The following DNAH7 variants were observed in gnomAD, a reference collection of about 807,000 sequenced individuals.
The protein encoded by DNAH7 is axonemal beta dynein heavy chain 7.
Under a neutral mutation model 444.6 loss-of-function variants are expected in DNAH7, and 397 were observed. The observed-to-expected ratio is 0.89, with a 90% CI of 0.82 to 0.97. DNAH7 has a LOEUF of 0.97. Ranked by LOEUF, DNAH7 falls within the 50% of genes least tolerant of loss-of-function variation. The probability of loss-of-function intolerance (pLI) is 0.00; values close to 1 mark genes in which losing one functional copy is unlikely to be tolerated. For missense variants in DNAH7, 4,902 were observed against 4,800.8 expected (o/e 1.02, Z -0.62); for synonymous variants, 1,636 against 1,624.4 (o/e 1.01, Z -0.17).
chr2:195,826,298 T>C (rs1040246558), intron 48 of DNAH7, among the ~76,000 whole-genome samples: 1 of 152,240 alleles, frequency 6.6e-6, no homozygotes, highest in Non-Finnish European at 1.5e-5. Context: ...TTTAAACCTA[T>C]TTTTACAAAA....
chr2:196,053,425 G>A (rs551587854), intron 2 of DNAH7, among the ~76,000 whole-genome samples: 2 of 152,180 alleles, frequency 1.3e-5, no homozygotes, highest in Admixed American at 6.5e-5. Flanking sequence ...CGCTCTCAAT[G>A]GCATCTTAGT....
intron 63 of DNAH7, among the ~76,000 whole-genome samples, chr2:195,750,372 C>T (rs1372380240): frequency 6.6e-6 from 1 of 152,156 alleles, no homozygotes; most frequent in Admixed American, 6.5e-5. Context: ...AGTCTTTTAG[C>T]TGAGTTCAAA....
intron 24 of DNAH7, among the ~76,000 whole-genome samples, chr2:195,914,473 C>T (rs529371090): frequency 5.0e-4 from 76 of 152,278 alleles, no homozygotes; most frequent in African/African-American, 1.7e-3. Context: ...ATTGGGCCTG[C>T]CCCTGTGCCA....
chr2:195,894,683 A>T, intron 30 of DNAH7: 1 of 210,198 alleles, frequency 4.8e-6, no homozygotes, highest in Non-Finnish European at 9.4e-6. Flanking sequence ...AAAGTATTGC[A>T]GGAAAACCTT....
chr2:195,779,483 ATTATT>A (rs1290673512), intron 58 of DNAH7, among the ~76,000 whole-genome samples: 1 of 152,124 alleles, frequency 6.6e-6, no homozygotes, highest in Non-Finnish European at 1.5e-5. Flanking sequence ...GGTCAATAAT[ATTATT>A]TTAATTTGCA....
At chr2:196,051,112 T>C (rs1697437535) in intron 3 of DNAH7, 75 bp downstream of exon 3, 1 of 1,366,002 alleles carries the variant, frequency 7.3e-7, no homozygotes, top group Admixed American at 1.7e-5. Context: ...TTTGCTTACT[T>C]ATTTTCAAGT....
chr2:195,767,704 T>C (rs1445344040), intron 61 of DNAH7, among the ~76,000 whole-genome samples: 1 of 152,156 alleles, frequency 6.6e-6, no homozygotes, highest in East Asian at 1.9e-4. Flanking sequence ...TAATGTGTAA[T>C]TTCTTTTGTT....
At chr2:195,777,163 G>A (rs1695101124) in intron 59 of DNAH7, among the ~76,000 whole-genome samples, 1 of 152,102 alleles carries the variant, frequency 6.6e-6, no homozygotes, top group South Asian at 2.1e-4. Context: ...TGACTTCTGG[G>A]AATAACATGA....
At chr2:195,870,134 T>C (rs1007793096) in intron 40 of DNAH7, among the ~76,000 whole-genome samples, 12 of 152,216 alleles carry the variant, frequency 7.9e-5, no homozygotes, top group African/African-American at 2.2e-4. Context: ...TATGCACTCA[T>C]TCATTCACCA....
At chr2:195,834,159 C>T (rs904046392) in intron 48 of DNAH7, 47 bp downstream of exon 48, 7 of 1,545,852 alleles carry the variant, frequency 4.5e-6, no homozygotes, top group Non-Finnish European at 6.2e-6. Flanking sequence ...TTAATTGTGC[C>T]CTCTCCAGGC....
At chr2:195,815,522 A>G (rs1697178046) in intron 51 of DNAH7, among the ~76,000 whole-genome samples, 1 of 152,190 alleles carries the variant, frequency 6.6e-6, no homozygotes, top group African/African-American at 2.4e-5. Flanking sequence ...TGAGATTAAC[A>G]TTTTGGATTT....
intron 19 of DNAH7, among the ~76,000 whole-genome samples, chr2:195,942,442 G>A (rs988457513): frequency 6.6e-6 from 1 of 151,584 alleles, no homozygotes; most frequent in African/African-American, 2.4e-5. Context: ...AGATGAAGAG[G>A]AGGAAGAGGA....
intron 8 of DNAH7, among the ~76,000 whole-genome samples, chr2:196,023,759 G>A (rs1019111712): frequency 6.6e-6 from 1 of 152,214 alleles, no homozygotes; most frequent in South Asian, 2.1e-4. Flanking sequence ...AGGCCTAGCT[G>A]TGGCCTATCT....
At chr2:195,771,275 G>A (rs1478391440) in intron 61 of DNAH7, among the ~76,000 whole-genome samples, 1 of 152,104 alleles carries the variant, frequency 6.6e-6, no homozygotes, top group Admixed American at 6.5e-5. Context: ...AGGGGTTCAT[G>A]GCAGCAGTGA....
intron 1 of DNAH7, among the ~76,000 whole-genome samples, chr2:196,067,767 G>T (rs1698509143): frequency 6.6e-6 from 1 of 152,060 alleles, no homozygotes; most frequent in African/African-American, 2.4e-5. Flanking sequence ...CAATAAAAAA[G>T]AAATAATTAC....
chr2:195,933,103 T>A (rs1652833787), intron 21 of DNAH7, among the ~76,000 whole-genome samples: 1 of 152,302 alleles, frequency 6.6e-6, no homozygotes, highest in South Asian at 2.1e-4. Context: ...CAGAGGCTGT[T>A]ATTGGTCTAT....
chr2:196,024,441 G>A lies in DNAH7; in HGVS notation c.731C>T (p.Ala244Val). The A allele has an allele frequency of 6.3e-7, 1 of 1,583,756 alleles. No individual in the cohort carries two copies. ...TCTGATCACTTACTCAGCACGATGG[G>A]CTGGAAGTTCATCTGTCTTCTTATC... ...GDDKKTDELP[A>V]HRAEMEILPK... Residue 244 changes from alanine (A) to valine (V), a missense_variant, in exon 8 of 65, where the codon GCC (alanine) becomes GTC (valine). Physicochemically the swap from Ala to Val is moderately conservative, Grantham distance 64. Coordinates refer to ENST00000312428, the MANE Select transcript of DNAH7 (RefSeq NM_018897.3).
chr2:195,774,276 G>A (rs957418141), intron 60 of DNAH7, among the ~76,000 whole-genome samples: 4 of 152,184 alleles, frequency 2.6e-5, no homozygotes, highest in African/African-American at 9.7e-5. Flanking sequence ...CTCCTAAAGA[G>A]CTACTCATTC....
chr2:195,784,941 C>A (rs1444996069), intron 58 of DNAH7, among the ~76,000 whole-genome samples: 2 of 144,726 alleles, frequency 1.4e-5, no homozygotes, highest in Admixed American at 7.0e-5. Context: ...GATGGAGTCT[C>A]GCTCTGTCAC....
Sources: allele counts gnomAD v4.1 joint callset (sites outside exome capture counted in the v4.1 genomes callset), GRCh38; gene constraint gnomAD v4.1.1; transcripts MANE v1.5; gene names NCBI Gene and HGNC (gene_info 2026-07-23, HGNC 2026-07-21).